The following SCFD1 variants were observed in gnomAD, a reference collection of about 807,000 sequenced individuals.
SCFD1 encodes the protein sec1 family domain containing 1.
In SCFD1, 37 loss-of-function variants were observed where a neutral mutation model predicts 103.2. That is an observed-to-expected ratio of 0.36 (90% CI 0.28 to 0.47). SCFD1 has a LOEUF of 0.47. Ranked by LOEUF, SCFD1 falls within the 20% of genes least tolerant of loss-of-function variation. The pLI, the probability that SCFD1 is intolerant of heterozygous loss-of-function variation, is 1.00. For missense variants in SCFD1, 639 were observed against 761.2 expected (o/e 0.84, Z 1.89); for synonymous variants, 264 against 245.0 (o/e 1.08, Z -0.73).
intron 5 of SCFD1, 82 bp downstream of exon 5, chr14:30,638,329 C>CT: frequency 6.3e-7 from 1 of 1,582,094 alleles, no homozygotes; most frequent in Non-Finnish European, 8.6e-7. Flanking sequence ...GCATAGATAT[C>CT]TATTTGACAG....
chr14:30,727,978 T>C (rs1893171716), intron 23 of SCFD1, among the ~76,000 whole-genome samples: 1 of 152,240 alleles, frequency 6.6e-6, no homozygotes, highest in South Asian at 2.1e-4. Context: ...CAGTTATATT[T>C]AGAGGTATTA....
chr14:30,716,073 T>C, intron 20 of SCFD1, 96 bp downstream of exon 20: 1 of 749,966 alleles, frequency 1.3e-6, no homozygotes, highest in Non-Finnish European at 2.3e-6. Context: ...CTTGTGAGCT[T>C]AATCACAGCA....
intron 23 of SCFD1, among the ~76,000 whole-genome samples, chr14:30,731,789 T>C (rs990463750): frequency 2.0e-5 from 3 of 152,200 alleles, no homozygotes; most frequent in African/African-American, 7.2e-5. Flanking sequence ...TACAATCATG[T>C]CATCTGCAAA....
intron 10 of SCFD1, among the ~76,000 whole-genome samples, chr14:30,663,222 G>C (rs1056047828): frequency 1.3e-5 from 2 of 152,088 alleles, no homozygotes; most frequent in African/African-American, 2.4e-5. Context: ...TTTTAGAGCA[G>C]TAATTTTGCT....
intron 10 of SCFD1, among the ~76,000 whole-genome samples, chr14:30,668,556 A>G: frequency 6.6e-6 from 1 of 152,200 alleles, no homozygotes; most frequent in Non-Finnish European, 1.5e-5. Context: ...AATGGGATCT[A>G]ATTAAACTAA....
chr14:30,702,100 G>A (rs1040630823), intron 16 of SCFD1, among the ~76,000 whole-genome samples, 196 bp from the exon 17 acceptor site: 3 of 152,294 alleles, frequency 2.0e-5, no homozygotes, highest in African/African-American at 7.2e-5. Context: ...CCTCTTAAAG[G>A]TAATTTTCAT....
intron 14 of SCFD1, among the ~76,000 whole-genome samples, chr14:30,679,104 C>CT (rs1889266549): frequency 1.3e-5 from 2 of 152,190 alleles, no homozygotes; most frequent in African/African-American, 4.8e-5. Context: ...CTGATCTCCA[C>CT]TTAGTCACCA....
intron 14 of SCFD1, among the ~76,000 whole-genome samples, chr14:30,678,936 T>G (rs1307996124): frequency 6.6e-6 from 1 of 152,244 alleles, no homozygotes; most frequent in Non-Finnish European, 1.5e-5. Context: ...TAGGTGATGA[T>G]GTCTGTACTC....
chr14:30,622,354 G>C lies in SCFD1; in HGVS notation c.16G>C (p.Ala6Pro), dbSNP rs760139943. The C allele has an allele frequency of 2.6e-6, 4 of 1,566,116 alleles. No homozygotes were observed. Among genetic ancestry groups the C allele is most frequent in the Admixed American group, 1.9e-5 (1 of 52,752 alleles). Reference protein sequence around the residue: MAAAAAATAAAAASIR... With the variant: MAAAAPATAAAAASIR... ...GGGAGCCAAGATGGCGGCGGCGGCG[G>C]CAGCGACAGCAGCAGCAGCAGCCAG... The change falls in exon 1 of 25, where the codon GCA becomes CCA. Residue 6 changes from alanine to proline, a missense_variant. Coordinates refer to ENST00000458591, the MANE Select transcript of SCFD1 (RefSeq NM_016106.4).
chr14:30,630,144 T>C (rs929609709), intron 2 of SCFD1, among the ~76,000 whole-genome samples: 1 of 152,148 alleles, frequency 6.6e-6, no homozygotes, highest in African/African-American at 2.4e-5. Context: ...TAAGAAGAAA[T>C]TGATATAATT....
chr14:30,695,188 G>A (rs1415255442), intron 15 of SCFD1, among the ~76,000 whole-genome samples: 2 of 152,164 alleles, frequency 1.3e-5, no homozygotes, highest in Admixed American at 1.3e-4. Context: ...CAAAGCAAGT[G>A]TCTCTAAGTG....
At chr14:30,662,947 T>A (rs557397190) in intron 10 of SCFD1, among the ~76,000 whole-genome samples, 87 of 152,318 alleles carry the variant, frequency 5.7e-4, no homozygotes, top group Admixed American at 1.0e-3. Flanking sequence ...GGAAACAGAT[T>A]AGACTCTATC....
At chr14:30,662,748 A>G (rs1481176910) in intron 10 of SCFD1, among the ~76,000 whole-genome samples, 1 of 152,220 alleles carries the variant, frequency 6.6e-6, no homozygotes, top group Non-Finnish European at 1.5e-5. Context: ...TATTGCCTAT[A>G]TTATCCAGAG....
At position 30,670,335 on chromosome 14, in the gene SCFD1, A is replaced by C. The variant is rs963887915; in HGVS notation, c.935A>C (p.Lys312Thr). ...CCAGCTGGTGCTAGACCAAAGAGAAAAAACAAGAAGTCTTATGATTTAACT... is the reference window on the plus strand; with the variant it reads ...CCAGCTGGTGCTAGACCAAAGAGAACAAACAAGAAGTCTTATGATTTAACT... ...NSPAGARPKR[K>T]NKKSYDLTPV... The change falls in exon 11 of 25, where the codon AAA (lysine) becomes ACA (threonine). Residue 312 changes from lysine to threonine, a missense_variant. Coordinates refer to ENST00000458591, the MANE Select transcript of SCFD1 (RefSeq NM_016106.4). 6.3e-7 allele frequency: 1 copy of C among 1,596,460 alleles called. No individual in the cohort carries two copies. The highest frequency in any genetic ancestry group is 8.5e-7 in the Non-Finnish European group (1 of 1,173,574).
intron 9 of SCFD1, among the ~76,000 whole-genome samples, chr14:30,651,318 G>T: frequency 6.6e-6 from 1 of 152,000 alleles, no homozygotes; most frequent in East Asian, 1.9e-4. Flanking sequence ...AGAAATAACT[G>T]CCCACTAGAA....
intron 1 of SCFD1, among the ~76,000 whole-genome samples, chr14:30,622,792 C>CA (rs1238591402): frequency 6.6e-6 from 1 of 152,196 alleles, no homozygotes; most frequent in African/African-American, 2.4e-5. Context: ...TTCTGACACT[C>CA]AGAGAATTTA....
At chr14:30,694,717 T>C in intron 14 of SCFD1, 56 bp from the exon 15 acceptor site, 1 of 1,520,754 alleles carries the variant, frequency 6.6e-7, no homozygotes, top group East Asian at 2.4e-5. Flanking sequence ...GGTGAGTAGA[T>C]CATTATGTAT....
At chr14:30,629,914 T>G (rs1883925817) in intron 2 of SCFD1, among the ~76,000 whole-genome samples, 1 of 151,942 alleles carries the variant, frequency 6.6e-6, no homozygotes, top group Admixed American at 6.6e-5. Flanking sequence ...CTTTTTAACC[T>G]GAGATGCTTA....
chr14:30,709,775 A>G (rs1891734880), intron 19 of SCFD1, among the ~76,000 whole-genome samples: 1 of 152,214 alleles, frequency 6.6e-6, no homozygotes. Flanking sequence ...AACTGTGGAC[A>G]AAATGATTTT....
Sources: allele counts gnomAD v4.1 joint callset (sites outside exome capture counted in the v4.1 genomes callset), GRCh38; gene constraint gnomAD v4.1.1; transcripts MANE v1.5; gene names NCBI Gene and HGNC (gene_info 2026-07-23, HGNC 2026-07-21).